Variants in CYRIA observed in about 807,000 individuals in gnomAD.
The protein encoded by CYRIA is CYFIP related Rac1 interactor A, also known as CYFIP-related Rac1 interactor A.
Under a neutral mutation model 43.9 loss-of-function variants are expected in CYRIA, and 15 were observed. The observed-to-expected ratio is 0.34, with a 90% CI of 0.23 to 0.53. The LOEUF (loss-of-function observed/expected upper bound fraction) is 0.53, where lower values mean the gene tolerates loss of function less well. CYRIA is among the 20% of genes least tolerant of loss of function. CYRIA has a pLI of 0.94. For missense variants in CYRIA, 236 were observed against 394.2 expected (o/e 0.60, Z 3.40); for synonymous variants, 117 against 136.0 (o/e 0.86, Z 0.97).
At chr2:16,618,964 C>T (rs1490142245) in intron 2 of CYRIA, among the ~76,000 whole-genome samples, 1 of 152,184 alleles carries the variant, frequency 6.6e-6, no homozygotes, top group African/African-American at 2.4e-5. Flanking sequence ...GAGGGTGATA[C>T]ACAGCATGAA....
Position 16,549,964 on chromosome 2 carries a change from TG to T in CYRIA, c.*2971del, listed in dbSNP as rs1666235131. 6.6e-6 allele frequency: 1 copy of T among 151,142 alleles called. No homozygotes were observed. The highest frequency in any genetic ancestry group is 1.5e-5 in the Non-Finnish European group (1 of 67,900). The allele number at this position is 151,142 out of a possible 1,614,324, so 9.4% of individuals were successfully genotyped here. ...CTGGTTGTTAATACTCCACCCCTAA[TG>T]TGAAGACATCCATTTCCAGTTGTTT... On this transcript the variant is annotated 3_prime_UTR_variant, in exon 12 of 12. Coordinates refer to ENST00000381323, the MANE Select transcript of CYRIA (RefSeq NM_030797.4).
intron 2 of CYRIA, chr2:16,622,960 C>T (rs1488582489): frequency 2.6e-5 from 4 of 152,194 alleles, no homozygotes; most frequent in Admixed American, 6.5e-5. Flanking sequence ...TGCTTAGCTT[C>T]GTGAAATGCT....
chr2:16,572,663 TAGTC>T (rs1460166629), intron 3 of CYRIA, among the ~76,000 whole-genome samples: 1 of 152,306 alleles, frequency 6.6e-6, no homozygotes, highest in East Asian at 1.9e-4. Flanking sequence ...TAGGTCAACA[TAGTC>T]AGAGTATTTT....
At chr2:16,607,788 G>A (rs1357364544) in intron 2 of CYRIA, among the ~76,000 whole-genome samples, 1 of 152,006 alleles carries the variant, frequency 6.6e-6, no homozygotes, top group African/African-American at 2.4e-5. Flanking sequence ...GTAGAGACAG[G>A]GTTTCACCAT....
At chr2:16,627,704 T>G (rs1669214470) in intron 1 of CYRIA, among the ~76,000 whole-genome samples, 1 of 152,186 alleles carries the variant, frequency 6.6e-6, no homozygotes, top group South Asian at 2.1e-4. Flanking sequence ...GATGACACCT[T>G]CCTTCAAAAG....
chr2:16,570,088 T>C (rs1344079720), intron 3 of CYRIA, among the ~76,000 whole-genome samples: 1 of 152,054 alleles, frequency 6.6e-6, no homozygotes, highest in Non-Finnish European at 1.5e-5. Context: ...GCTGGGTACT[T>C]GAAAGCAGTG....
At chr2:16,633,487 C>T (rs1407335966) in intron 1 of CYRIA, among the ~76,000 whole-genome samples, 2 of 149,404 alleles carry the variant, frequency 1.3e-5, no homozygotes, top group Non-Finnish European at 3.0e-5. Context: ...GATCTTGGCT[C>T]ACTGCAATGT....
At position 16,636,115 on chromosome 2, in the gene CYRIA, G is replaced by T. The variant is rs182517550; in HGVS notation, c.-166-12096C>A. The stretch of plus-strand genomic sequence containing the variant: ...TGGGGTCTGGAGTCAGCGAAAGTAG[G>T]GGGTGAGGTGTAACCACAGCCGTTG... On this transcript the variant is annotated intron_variant, in intron 1 of 11. Transcript: ENST00000381323. Among the ~76,000 whole-genome samples, 1,075 of 152,166 alleles carry T rather than the reference G, an allele frequency of 7.1e-3. 5 individuals carry two copies. The highest frequency in any genetic ancestry group is 0.024 in the South Asian group (117 of 4,820).
chr2:16,585,465 G>C (rs570424295), intron 3 of CYRIA, among the ~76,000 whole-genome samples: 1 of 152,208 alleles, frequency 6.6e-6, no homozygotes, highest in Admixed American at 6.5e-5. Context: ...GTGGAATAAA[G>C]TTAGTCTTAT....
intron 11 of CYRIA, among the ~76,000 whole-genome samples, chr2:16,553,814 T>C (rs893849954): frequency 2.6e-5 from 4 of 152,118 alleles, no homozygotes; most frequent in African/African-American, 9.7e-5. Flanking sequence ...ACTCAGGGCC[T>C]AGCACAGAGT....
At chr2:16,575,513 C>T (rs1388672274) in intron 3 of CYRIA, among the ~76,000 whole-genome samples, 3 of 152,116 alleles carry the variant, frequency 2.0e-5, no homozygotes, top group Non-Finnish European at 2.9e-5. Context: ...CTTTCCTAGG[C>T]TGTTCTTGTG....
At chr2:16,572,775 A>G (rs887364149) in intron 3 of CYRIA, among the ~76,000 whole-genome samples, 4 of 152,192 alleles carry the variant, frequency 2.6e-5, no homozygotes, top group African/African-American at 4.8e-5. Flanking sequence ...TATGTTAATT[A>G]ATGTGAGTTT....
intron 1 of CYRIA, among the ~76,000 whole-genome samples, chr2:16,627,305 G>T (rs961986920): frequency 2.6e-5 from 4 of 152,262 alleles, no homozygotes; most frequent in African/African-American, 9.6e-5. Flanking sequence ...CCAGGGTGGG[G>T]CATGCTTGTG....
At chr2:16,578,599 T>C (rs914651849) in intron 3 of CYRIA, among the ~76,000 whole-genome samples, 2 of 152,128 alleles carry the variant, frequency 1.3e-5, no homozygotes, top group Non-Finnish European at 2.9e-5. Context: ...AAAAGGGAAA[T>C]GCTAAAAATG....
rs180844899 is a variant in CYRIA, at chr2:16,553,801, G to A, written c.909-802C>T. Among the ~76,000 whole-genome samples, 930 of 152,198 alleles carry A rather than the reference G, an allele frequency of 6.1e-3. 22 individuals carry two copies. The highest frequency in any genetic ancestry group is 0.059 in the South Asian group (282 of 4,816). On this transcript the variant is annotated intron_variant, in intron 11 of 11. Transcript: ENST00000381323. ...AGGTACAAATTCTAACAAATCAGATGGGACTCAGGGCCTAGCACAGAGTTT... is the reference window on the plus strand; with the variant it reads ...AGGTACAAATTCTAACAAATCAGATAGGACTCAGGGCCTAGCACAGAGTTT...
intron 1 of CYRIA, among the ~76,000 whole-genome samples, chr2:16,639,853 A>T (rs1669619104): frequency 6.6e-6 from 1 of 152,184 alleles, no homozygotes; most frequent in Non-Finnish European, 1.5e-5. Flanking sequence ...GAGAGGGAGG[A>T]GGGAGAAAAA....
rs202127495 is a variant in CYRIA, at chr2:16,588,039, T to C, written c.70+11A>G. 2.7e-5 allele frequency: 43 copies of C among 1,567,586 alleles called. No homozygotes were observed. In the East Asian group the frequency reaches 9.6e-4, roughly 35 times the overall value. On this transcript the variant is annotated intron_variant, in intron 3 of 11. Transcript: ENST00000381323. ...AAAAAAGTTTCCATTATTATAATTT[T>C]TGGAACTTACTTTCAAAATCCAGGA...
At chr2:16,561,893 T>C (rs991087908) in intron 6 of CYRIA, 112 bp downstream of exon 6, 12 of 1,006,904 alleles carry the variant, frequency 1.2e-5, no homozygotes, top group Non-Finnish European at 1.8e-5. Context: ...AGGGAAGGAA[T>C]TACATCTTAC....
intron 2 of CYRIA, among the ~76,000 whole-genome samples, chr2:16,611,524 A>G (rs1228889252): frequency 2.0e-5 from 3 of 152,186 alleles, no homozygotes; most frequent in Admixed American, 2.0e-4. Context: ...GGAAGACTCT[A>G]GTGAGGACTG....
Sources: gnomAD v4.1 joint callset for allele counts (sites outside exome capture counted in the v4.1 genomes callset) on GRCh38, gnomAD v4.1.1 for gene constraint, MANE v1.5 for transcripts, NCBI Gene and HGNC (gene_info 2026-07-23, HGNC 2026-07-21) for gene names.